GALNTL6: variants seen among roughly 807,000 people sequenced by gnomAD.
GALNTL6 encodes the protein polypeptide N-acetylgalactosaminyltransferase-like 6.
GALNTL6 carries 46 observed loss-of-function variants against 73.7 expected under a neutral mutation model. The ratio of observed to expected loss-of-function variants is 0.62; its 90% CI spans 0.49 to 0.80. The LOEUF is 0.80. Ranked by LOEUF, GALNTL6 falls within the 30% of genes least tolerant of loss-of-function variation. The probability of loss-of-function intolerance (pLI) is 0.00; values close to 1 mark genes in which losing one functional copy is unlikely to be tolerated. For missense variants in GALNTL6, 604 were observed against 755.0 expected (o/e 0.80, Z 2.34); for synonymous variants, 259 against 263.7 (o/e 0.98, Z 0.17).
chr4:172,901,719 T>C (rs1746638848), intron 8 of GALNTL6, among the ~76,000 whole-genome samples: 1 of 152,206 alleles, frequency 6.6e-6, no homozygotes. Flanking sequence ...GAGTTTTTGC[T>C]CAAACAGTAT....
chr4:171,973,408 G>T (rs1739627755), intron 2 of GALNTL6, among the ~76,000 whole-genome samples: 1 of 152,102 alleles, frequency 6.6e-6, no homozygotes, highest in Non-Finnish European at 1.5e-5. Flanking sequence ...ACTCTACAAG[G>T]TGATGCCTCC....
intron 12 of GALNTL6, among the ~76,000 whole-genome samples, chr4:173,035,240 G>T (rs911167040): frequency 6.7e-6 from 1 of 149,982 alleles, no homozygotes; most frequent in East Asian, 2.0e-4. Flanking sequence ...GTGCAATGGC[G>T]CAATCTCGGC....
chr4:172,425,485 A>G (rs1731194375), intron 5 of GALNTL6, among the ~76,000 whole-genome samples: 1 of 152,098 alleles, frequency 6.6e-6, no homozygotes, highest in African/African-American at 2.4e-5. Context: ...TTAATATCTT[A>G]CCAAAGTACA....
At chr4:172,002,933 A>G (rs1281434563) in intron 2 of GALNTL6, among the ~76,000 whole-genome samples, 1 of 152,210 alleles carries the variant, frequency 6.6e-6, no homozygotes, top group African/African-American at 2.4e-5. Flanking sequence ...TGAGGGGAGC[A>G]ATTGAGAGCT....
chr4:173,032,876 A>G (rs1381824363), intron 12 of GALNTL6, among the ~76,000 whole-genome samples: 3 of 152,154 alleles, frequency 2.0e-5, no homozygotes, highest in Non-Finnish European at 4.4e-5. Context: ...GATTGTGCAC[A>G]TCACTGGACC....
intron 2 of GALNTL6, among the ~76,000 whole-genome samples, chr4:172,060,374 A>G (rs1407748740): frequency 6.6e-6 from 1 of 152,168 alleles, no homozygotes; most frequent in Non-Finnish European, 1.5e-5. Flanking sequence ...ATGTGTATTC[A>G]TTTATTGATA....
intron 5 of GALNTL6, among the ~76,000 whole-genome samples, chr4:172,698,764 A>C (rs927258979): frequency 6.6e-6 from 1 of 152,050 alleles, no homozygotes; most frequent in Non-Finnish European, 1.5e-5. Context: ...TCCCCACTAA[A>C]AGCAAAGAGG....
In GALNTL6 at chr4:172,828,014, G is replaced by A. The variant is rs931545190; in HGVS notation, c.923+14291G>A. Reference sequence around the variant, plus strand: ...GGACCAGGCATGGTGGCTCACGCCTGTAATCCCAGCACTGTGGGAGGCCAA... The same window carrying A: ...GGACCAGGCATGGTGGCTCACGCCTATAATCCCAGCACTGTGGGAGGCCAA... On this transcript the variant is annotated intron_variant, in intron 7 of 12. Transcript: ENST00000506823. 1.3e-5 allele frequency among the ~76,000 whole-genome samples: 2 copies of A among 152,064 alleles called. 1 individual carries two copies. The highest frequency in any genetic ancestry group is 1.3e-4 in the Admixed American group (2 of 15,280).
At chr4:172,531,901 C>T (rs1735181702) in intron 5 of GALNTL6, among the ~76,000 whole-genome samples, 1 of 152,208 alleles carries the variant, frequency 6.6e-6, no homozygotes, top group African/African-American at 2.4e-5. Context: ...TGGTCCAAGA[C>T]ACCAAAGTGT....
chr4:171,815,880 C>G (rs867467995), intron 2 of GALNTL6: 1 of 152,110 alleles, frequency 6.6e-6, no homozygotes, highest in Non-Finnish European at 1.5e-5. Flanking sequence ...CATTACCAGT[C>G]TCTAAACTTT....
At chr4:172,487,125 A>G (rs1002852100) in intron 5 of GALNTL6, among the ~76,000 whole-genome samples, 6 of 152,042 alleles carry the variant, frequency 3.9e-5, no homozygotes, top group Admixed American at 3.3e-4. Context: ...AGAGTAATTC[A>G]AGTATAATAA....
intron 5 of GALNTL6, among the ~76,000 whole-genome samples, chr4:172,571,320 G>C (rs941697813): frequency 1.3e-5 from 2 of 152,166 alleles, no homozygotes; most frequent in African/African-American, 4.8e-5. Context: ...AGACATGCTA[G>C]GTGAAGTGAC....
Position 171,834,179 on chromosome 4 carries a change from CTAAGTA to C in GALNTL6, c.138+19469_138+19474del, listed in dbSNP as rs1321651899. Among the ~76,000 whole-genome samples, 12 of 151,976 alleles carry C rather than the reference CTAAGTA, an allele frequency of 7.9e-5. No individual in the cohort carries two copies. In the East Asian group the frequency reaches 2.1e-3, roughly 27 times the overall value. ...TTATATTTCAGGAAATTATGTGATT[CTAAGTA>C]TAAGTATTTTCAATTAAATACAGTA... On this transcript the variant is annotated intron_variant, in intron 2 of 12. Coordinates refer to ENST00000506823, the MANE Select transcript of GALNTL6 (RefSeq NM_001034845.3).
At chr4:171,976,628 G>T (rs1003741319) in intron 2 of GALNTL6, among the ~76,000 whole-genome samples, 16 of 152,140 alleles carry the variant, frequency 1.1e-4, no homozygotes, top group Non-Finnish European at 4.4e-5. Flanking sequence ...TTTTGATAGC[G>T]GGTTATGGTG....
chr4:172,333,340 G>A (rs1020609103), intron 4 of GALNTL6, among the ~76,000 whole-genome samples: 1 of 152,166 alleles, frequency 6.6e-6, no homozygotes, highest in Non-Finnish European at 1.5e-5. Flanking sequence ...GGGAGATGGA[G>A]GTTGCAGTGA....
At chr4:171,855,510 T>C (rs940191483) in intron 2 of GALNTL6, among the ~76,000 whole-genome samples, 16 of 152,264 alleles carry the variant, frequency 1.1e-4, no homozygotes, top group African/African-American at 1.4e-4. Context: ...ACAGTTTTTA[T>C]GTATTCACCT....
chr4:172,436,438 G>GAC (rs1247715500), intron 5 of GALNTL6, among the ~76,000 whole-genome samples: 1 of 152,076 alleles, frequency 6.6e-6, no homozygotes, highest in African/African-American at 2.4e-5. Context: ...CTCCCCAGGA[G>GAC]ACACCTGGGG....
intron 2 of GALNTL6, among the ~76,000 whole-genome samples, chr4:171,885,468 A>G (rs1330011620): frequency 2.0e-5 from 3 of 152,182 alleles, no homozygotes; most frequent in Non-Finnish European, 1.5e-5. Flanking sequence ...TAAATTTCCC[A>G]TAAGTATTTT....
At chr4:172,258,538 G>A (rs1307532811) in intron 3 of GALNTL6, among the ~76,000 whole-genome samples, 27 of 151,122 alleles carry the variant, frequency 1.8e-4, no homozygotes. Flanking sequence ...TGAAATTCCA[G>A]TTTATATATA....
Sources: allele counts gnomAD v4.1 joint callset (sites outside exome capture counted in the v4.1 genomes callset), GRCh38; gene constraint gnomAD v4.1.1; transcripts MANE v1.5; gene names NCBI Gene and HGNC (gene_info 2026-07-23, HGNC 2026-07-21).